The following DNAH8 variants were observed in gnomAD, a reference collection of about 807,000 sequenced individuals.
DNAH8 encodes the protein axonemal beta dynein heavy chain 8.
In DNAH8, 382 loss-of-function variants were observed where a neutral mutation model predicts 562.1. The ratio of observed to expected loss-of-function variants is 0.68; its 90% CI spans 0.63 to 0.74. The LOEUF (loss-of-function observed/expected upper bound fraction) is 0.74. DNAH8 is among the 30% of genes least tolerant of loss of function. The probability of loss-of-function intolerance (pLI) is 0.00; values close to 1 mark genes in which losing one functional copy is unlikely to be tolerated. For synonymous variants in DNAH8, 1,881 were observed against 1,919.4 expected, an observed-to-expected ratio of 0.98 and a Z score of 0.52; for missense variants, 5,203 against 5,620.4, an observed-to-expected ratio of 0.93 and a Z score of 2.37.
intron 91 of DNAH8, among the ~76,000 whole-genome samples, chr6:39,019,134 G>A (rs1766742297): frequency 6.6e-6 from 1 of 152,094 alleles, no homozygotes; most frequent in Non-Finnish European, 1.5e-5. Context: ...AAGGGGTTGT[G>A]GGAGGAATGA....
chr6:38,740,279 C>G (rs529954355), intron 7 of DNAH8, among the ~76,000 whole-genome samples: 1 of 152,248 alleles, frequency 6.6e-6, no homozygotes, highest in South Asian at 2.1e-4. Flanking sequence ...TGAATGTGTA[C>G]ATGAATTTAG....
chr6:38,850,099 A>T, intron 37 of DNAH8, 152 bp from the exon 38 acceptor site: 1 of 590,142 alleles, frequency 1.7e-6, no homozygotes, highest in Non-Finnish European at 2.7e-6. Flanking sequence ...GCTCAGAATT[A>T]ATTCAAATGA....
At chr6:38,932,217 C>CACACACA (rs1554138852) in intron 76 of DNAH8, among the ~76,000 whole-genome samples, 3 of 122,578 alleles carry the variant, frequency 2.4e-5, no homozygotes, top group Non-Finnish European at 3.4e-5. Flanking sequence ...CACACACACA[C>CACACACA]CCGTCTCTTT....
chr6:38,857,442 A>G, intron 41 of DNAH8, 76 bp from the exon 42 acceptor site: 1 of 928,900 alleles, frequency 1.1e-6, no homozygotes, highest in South Asian at 1.6e-5. Flanking sequence ...AAATGTGAAT[A>G]AGTGACCACC....
intron 87 of DNAH8, among the ~76,000 whole-genome samples, chr6:38,986,606 GT>G (rs1426591116): frequency 1.3e-5 from 2 of 152,202 alleles, no homozygotes; most frequent in Non-Finnish European, 2.9e-5. Flanking sequence ...AGTATACTTT[GT>G]TAGAATAATT....
intron 56 of DNAH8, among the ~76,000 whole-genome samples, chr6:38,885,380 C>T (rs1200996949): frequency 2.0e-5 from 3 of 152,080 alleles, no homozygotes; most frequent in South Asian, 2.1e-4. Flanking sequence ...TACCACCTGG[C>T]GCCACCCACC....
At chr6:38,879,429 C>T (rs1778288812) in intron 53 of DNAH8, among the ~76,000 whole-genome samples, 1 of 152,128 alleles carries the variant, frequency 6.6e-6, no homozygotes. Flanking sequence ...GGAAGATCAA[C>T]ATTCAAAAAC....
intron 8 of DNAH8, chr6:38,744,325 G>A (rs1326684386): frequency 6.6e-6 from 1 of 152,026 alleles, no homozygotes; most frequent in Non-Finnish European, 1.5e-5. Flanking sequence ...TCAATAGTGG[G>A]ATCATGCCTA....
chr6:38,791,577 A>G lies in DNAH8; in HGVS notation c.2804A>G (p.His935Arg), dbSNP rs150379318. 144 of 1,612,354 alleles carry G rather than the reference A, an allele frequency of 8.9e-5. No individual in the cohort carries two copies. In the African/African-American group the frequency reaches 1.3e-3, roughly 14 times the overall value. Residue 935 changes from histidine (H) to arginine (R), a missense_variant, in exon 21 of 93, where the codon CAT becomes CGT. Coordinates refer to ENST00000327475, the MANE Select transcript of DNAH8 (RefSeq NM_001206927.2). ...TAGATCAGTGACTTGTGTGAAATGC[A>G]TATTGATACAGTTCTGAAGGAGATA... is the stretch of plus-strand genomic sequence containing the variant. ...LKKISDLCEM[H>R]IDTVLKEIAK...
At chr6:39,014,303 TCA>T (rs1766423117) in intron 91 of DNAH8, among the ~76,000 whole-genome samples, 1 of 152,212 alleles carries the variant, frequency 6.6e-6, no homozygotes, top group South Asian at 2.1e-4. Context: ...ATTATGGGTC[TCA>T]GATTTTGTGT....
chr6:38,824,397 G>A (rs1773133007), intron 28 of DNAH8, among the ~76,000 whole-genome samples: 1 of 152,166 alleles, frequency 6.6e-6, no homozygotes, highest in Non-Finnish European at 1.5e-5. Context: ...TTCTTGACTA[G>A]TTGACATTCA....
At chr6:38,848,416 C>T (rs1775466737) in intron 36 of DNAH8, among the ~76,000 whole-genome samples, 1 of 152,108 alleles carries the variant, frequency 6.6e-6, no homozygotes, top group Admixed American at 6.5e-5. Context: ...GGCCCATTCT[C>T]CTATTCTATG....
At chr6:38,904,879 A>G (rs1348161210) in intron 62 of DNAH8, among the ~76,000 whole-genome samples, 1 of 152,114 alleles carries the variant, frequency 6.6e-6, no homozygotes. Flanking sequence ...CTTTCAGTGA[A>G]GTGGATGGGT....
chr6:38,960,643 A>G (rs1193197593), intron 82 of DNAH8, among the ~76,000 whole-genome samples: 1 of 152,022 alleles, frequency 6.6e-6, no homozygotes, highest in Admixed American at 6.5e-5. Flanking sequence ...TGATGTGGAG[A>G]AAGAAGAACC....
chr6:38,891,463 C>A (rs186340052), intron 58 of DNAH8, among the ~76,000 whole-genome samples: 1 of 152,384 alleles, frequency 6.6e-6, no homozygotes, highest in African/African-American at 2.4e-5. Context: ...TGGGCACGCA[C>A]TTGTCTCCTG....
rs562852660 is a variant in DNAH8 at position 38,827,733 on chromosome 6, CTTTTTTTTTTTTTTTTTTTTTTTT to C, written c.4084-436_4084-413del. ...TGCAAAAGCTTAATTCTTTACCAAA[CTTTTTTTTTTTTTTTTTTTTTTTT>C]TTTTTTTTTTTTTTGGTGAAGACAA... On this transcript the variant is annotated intron_variant, in intron 29 of 92. Transcript: ENST00000327475. Among the ~76,000 whole-genome samples the C allele has an allele frequency of 3.3e-4, 17 of 52,240 alleles. 3 individuals are homozygous for C. Among genetic ancestry groups the C allele is most frequent in the African/African-American group, 5.0e-4 (7 of 13,876 alleles). The allele number at this position is 52,240 out of a possible 152,430, so 34.3% of individuals were successfully genotyped here. A position where few individuals can be genotyped will look rare whatever the true frequency, so the allele number is the denominator to read the frequency against.
At position 38,872,228 on chromosome 6, in the gene DNAH8, G is replaced by T. The variant is rs185431902; in HGVS notation, c.6991-308G>T. Reference sequence around the variant, plus strand: ...AAAGTTTGCGCATGGAACAACTGCTGGTTATAGACCAACAAGCCAAAATCA... The same window carrying T: ...AAAGTTTGCGCATGGAACAACTGCTTGTTATAGACCAACAAGCCAAAATCA... On this transcript the variant is annotated intron_variant, in intron 49 of 92. Transcript: ENST00000327475. Among the ~76,000 whole-genome samples, 348 of 152,238 alleles carry T rather than the reference G, an allele frequency of 2.3e-3. 1 individual carries two copies. Among genetic ancestry groups the T allele is most frequent in the African/African-American group, 7.8e-3 (324 of 41,548 alleles).
At chr6:38,921,598 GA>G in intron 71 of DNAH8, 92 bp downstream of exon 71, 1 of 1,406,922 alleles carries the variant, frequency 7.1e-7, no homozygotes, top group Non-Finnish European at 9.5e-7. Flanking sequence ...TGGTTGTGAT[GA>G]AAAAATATTG....
At chr6:38,989,068 A>T (rs1442037566) in intron 87 of DNAH8, among the ~76,000 whole-genome samples, 2 of 152,236 alleles carry the variant, frequency 1.3e-5, no homozygotes, top group Non-Finnish European at 2.9e-5. Context: ...AAACAGAGAG[A>T]ATCAGTACAC....
Sources: allele counts gnomAD v4.1 joint callset (sites outside exome capture counted in the v4.1 genomes callset), GRCh38; gene constraint gnomAD v4.1.1; transcripts MANE v1.5; gene names NCBI Gene and HGNC (gene_info 2026-07-23, HGNC 2026-07-21).